The following NBAS variants were observed in gnomAD, a reference collection of about 807,000 sequenced individuals.
NBAS encodes NAG/BC035112 fusion.
Under a neutral mutation model 302.5 loss-of-function variants are expected in NBAS, and 219 were observed. That is an observed-to-expected ratio of 0.72 (90% CI 0.65 to 0.81). NBAS has a LOEUF of 0.81. NBAS is among the 30% of genes least tolerant of loss of function. The pLI, the probability that NBAS is intolerant of heterozygous loss-of-function variation, is 0.00. For synonymous variants in NBAS, 1,118 were observed against 1,021.6 expected, an observed-to-expected ratio of 1.09 and a Z score of -1.80; for missense variants, 2,932 against 2,841.6, an observed-to-expected ratio of 1.03 and a Z score of -0.72.
Position 15,468,601 on chromosome 2 carries a change from T to C in NBAS, c.1726-68A>G, listed in dbSNP as rs1482530485. On this transcript the variant is annotated intron_variant, in intron 16 of 51. Coordinates refer to ENST00000281513, the MANE Select transcript of NBAS (RefSeq NM_015909.4). Reference sequence around the variant, plus strand: ...CATCTTACAACACATTACAACTGCCTTCAGAATTGTAAAGCTATACCTGAT... The same window carrying C: ...CATCTTACAACACATTACAACTGCCCTCAGAATTGTAAAGCTATACCTGAT... 5 of 1,541,040 alleles carry C rather than the reference T, an allele frequency of 3.2e-6. No homozygotes were observed. In the Admixed American group the frequency reaches 8.4e-5, roughly 26 times the overall value.
At chr2:15,373,391 C>T (rs575451045) in intron 31 of NBAS, among the ~76,000 whole-genome samples, 3 of 89,980 alleles carry the variant, frequency 3.3e-5, no homozygotes, top group Admixed American at 1.1e-4. Flanking sequence ...AATGCAACAG[C>T]GTGATCATGG....
intron 48 of NBAS, among the ~76,000 whole-genome samples, chr2:15,212,179 G>C (rs1666442221): frequency 6.6e-6 from 1 of 152,020 alleles, no homozygotes; most frequent in Non-Finnish European, 1.5e-5. Flanking sequence ...ACCAACTTCA[G>C]GGCCAGTACA....
rs562360813 is a variant in NBAS at position 15,169,338 on chromosome 2, G to T, written c.6841-2015C>A. Among the ~76,000 whole-genome samples the T allele has an allele frequency of 9.2e-5, 14 of 152,332 alleles. No individual in the cohort carries two copies. In the East Asian group the frequency reaches 2.7e-3, roughly 29 times the overall value. On this transcript the variant is annotated intron_variant, in intron 51 of 51. Coordinates refer to ENST00000281513, the MANE Select transcript of NBAS (RefSeq NM_015909.4). Reference sequence around the variant, plus strand: ...CCACCGGTTCAATGGACTTGCTTTTGTGCTGGAAGGGGCACGGAGCTTTGA... The same window carrying T: ...CCACCGGTTCAATGGACTTGCTTTTTTGCTGGAAGGGGCACGGAGCTTTGA...
At chr2:14,819,185 A>C in the NBAS span, among the ~76,000 whole-genome samples, 1 of 152,210 alleles carries the variant, frequency 6.6e-6, no homozygotes, top group African/African-American at 2.4e-5. Context: ...CCCAGATGCT[A>C]TCTAAGTTCC....
the NBAS span, among the ~76,000 whole-genome samples, chr2:15,033,218 T>C: frequency 6.6e-6 from 1 of 152,236 alleles, no homozygotes; most frequent in Admixed American, 6.5e-5. Context: ...TGGGACCCTT[T>C]ACTCCTTTCT....
chr2:14,806,595 G>A, the NBAS span, among the ~76,000 whole-genome samples: 9 of 152,108 alleles, frequency 5.9e-5, no homozygotes, highest in Admixed American at 5.9e-4. Context: ...AAGTATCCTA[G>A]AAACAGAATT....
the NBAS span, among the ~76,000 whole-genome samples, chr2:14,869,012 T>C: frequency 2.5e-4 from 38 of 152,268 alleles, no homozygotes; most frequent in East Asian, 3.1e-3. Flanking sequence ...AGTTATATGT[T>C]TGACCCTGAG....
the NBAS span, among the ~76,000 whole-genome samples, chr2:14,956,592 T>G: frequency 6.6e-6 from 1 of 152,196 alleles, no homozygotes; most frequent in African/African-American, 2.4e-5. Context: ...TGAGAAGGCC[T>G]TAAGAAACTT....
chr2:15,352,596 C>T (rs1421583342), intron 34 of NBAS, among the ~76,000 whole-genome samples: 4 of 152,166 alleles, frequency 2.6e-5, no homozygotes, highest in African/African-American at 9.7e-5. Context: ...TCTCCTGATT[C>T]TTCCCTTGGG....
chr2:15,260,622 C>T (rs186923266), intron 44 of NBAS, among the ~76,000 whole-genome samples: 5 of 152,054 alleles, frequency 3.3e-5, no homozygotes, highest in Admixed American at 6.6e-5. Flanking sequence ...AGGAGACAGG[C>T]GATTTCGGTT....
At chr2:14,785,567 A>G in the NBAS span, among the ~76,000 whole-genome samples, 3 of 152,272 alleles carry the variant, frequency 2.0e-5, no homozygotes, top group Non-Finnish European at 2.9e-5. Context: ...TTCTGCATCT[A>G]TTGAGATAAT....
chr2:14,835,520 CCTAT>C, the NBAS span, among the ~76,000 whole-genome samples: 11 of 151,732 alleles, frequency 7.2e-5, no homozygotes, highest in African/African-American at 2.4e-4. Context: ...TCCTTGTTTT[CCTAT>C]CTATTTTACC....
At chr2:15,035,041 C>T in the NBAS span, among the ~76,000 whole-genome samples, 10 of 151,754 alleles carry the variant, frequency 6.6e-5, no homozygotes, top group East Asian at 7.7e-4. Flanking sequence ...TTTTTAAAAT[C>T]GATGTACAGT....
the NBAS span, among the ~76,000 whole-genome samples, chr2:15,023,615 C>A: frequency 1.1e-5 from 1 of 88,754 alleles, no homozygotes; most frequent in Non-Finnish European, 2.6e-5. Flanking sequence ...TTAAATCTTG[C>A]CAATCAATGG....
intron 42 of NBAS, among the ~76,000 whole-genome samples, chr2:15,279,277 G>C (rs1244225426): frequency 1.3e-5 from 2 of 152,076 alleles, no homozygotes; most frequent in African/African-American, 4.8e-5. Flanking sequence ...ATGATAAATT[G>C]CCATTCAGAG....
the NBAS span, among the ~76,000 whole-genome samples, chr2:15,135,052 T>C: frequency 2.0e-5 from 3 of 152,208 alleles, no homozygotes; most frequent in Non-Finnish European, 4.4e-5. Context: ...AGCCCACACT[T>C]GTATGGAGAA....
the NBAS span, among the ~76,000 whole-genome samples, chr2:14,802,710 T>TA: frequency 6.7e-6 from 1 of 148,430 alleles, no homozygotes; most frequent in East Asian, 2.0e-4. Context: ...TATGCAGCCA[T>TA]AAAAAATGAT....
At chr2:14,814,590 C>T in the NBAS span, among the ~76,000 whole-genome samples, 83 of 152,328 alleles carry the variant, frequency 5.4e-4, 1 homozygote, top group African/African-American at 1.1e-3. Context: ...ATGCATGTAA[C>T]CCCATTGTAT....
At chr2:14,789,943 C>G in the NBAS span, among the ~76,000 whole-genome samples, 3 of 152,188 alleles carry the variant, frequency 2.0e-5, no homozygotes, top group African/African-American at 4.8e-5. Flanking sequence ...AATAAGGGAA[C>G]AGAAAACAGT....
Sources: gnomAD v4.1 joint callset for allele counts (sites outside exome capture counted in the v4.1 genomes callset) on GRCh38, gnomAD v4.1.1 for gene constraint, MANE v1.5 for transcripts, NCBI Gene and HGNC (gene_info 2026-07-23, HGNC 2026-07-21) for gene names.